The following PLXDC2 variants were observed in gnomAD, a reference collection of about 807,000 sequenced individuals.
PLXDC2 encodes the protein plexin domain-containing protein 2.
PLXDC2 carries 40 observed loss-of-function variants against 68.9 expected under a neutral mutation model. The observed-to-expected ratio is 0.58, with a 90% CI of 0.45 to 0.76. PLXDC2 has a LOEUF of 0.76. Ranked by LOEUF, PLXDC2 falls within the 30% of genes least tolerant of loss-of-function variation. PLXDC2 has a pLI of 0.00. For missense variants in PLXDC2, 644 were observed against 661.9 expected (o/e 0.97, Z 0.30); for synonymous variants, 243 against 234.2 (o/e 1.04, Z -0.34).
chr10:19,840,975 C>T (rs975246181), intron 1 of PLXDC2, among the ~76,000 whole-genome samples: 16 of 152,252 alleles, frequency 1.1e-4, no homozygotes, highest in African/African-American at 3.8e-4. Context: ...CAATTTAATT[C>T]CAGAAACCTG....
At chr10:20,049,671 C>T (rs1313794726) in intron 3 of PLXDC2, among the ~76,000 whole-genome samples, 1 of 151,878 alleles carries the variant, frequency 6.6e-6, no homozygotes, top group Admixed American at 6.6e-5. Context: ...AAAATCTCTA[C>T]AATGAGAATT....
At chr10:19,821,848 C>T (rs867199373) in intron 1 of PLXDC2, among the ~76,000 whole-genome samples, 6 of 152,134 alleles carry the variant, frequency 3.9e-5, no homozygotes, top group South Asian at 4.1e-4. Flanking sequence ...TTCTTCTATC[C>T]TGCTGGTTTC....
At chr10:20,128,259 A>G (rs992801670) in intron 4 of PLXDC2, among the ~76,000 whole-genome samples, 5 of 152,124 alleles carry the variant, frequency 3.3e-5, no homozygotes, top group African/African-American at 9.7e-5. Context: ...CAGGATCTCC[A>G]TATCTTTAGT....
intron 1 of PLXDC2, among the ~76,000 whole-genome samples, chr10:19,864,858 T>G (rs1837384529): frequency 6.6e-6 from 1 of 152,144 alleles, no homozygotes; most frequent in Middle Eastern, 3.2e-3. Context: ...AGACACCTAC[T>G]GTAAGTTTAA....
intron 4 of PLXDC2, among the ~76,000 whole-genome samples, chr10:20,120,754 G>T (rs1213759046): frequency 6.6e-6 from 1 of 152,180 alleles, no homozygotes; most frequent in African/African-American, 2.4e-5. Context: ...AATCCCTGAG[G>T]AGTAGTAGAA....
chr10:20,173,509 G>T (rs577964304), intron 7 of PLXDC2, among the ~76,000 whole-genome samples: 1 of 152,266 alleles, frequency 6.6e-6, no homozygotes, highest in African/African-American at 2.4e-5. Context: ...TGATCACATT[G>T]TCCCTCCTGC....
chr10:19,886,937 T>C (rs1386475830), intron 1 of PLXDC2, among the ~76,000 whole-genome samples: 1 of 152,242 alleles, frequency 6.6e-6, no homozygotes, highest in Non-Finnish European at 1.5e-5. Flanking sequence ...CTAAGTCATA[T>C]AACCTCTGGA....
At chr10:19,932,604 A>G (rs558595438) in intron 1 of PLXDC2, among the ~76,000 whole-genome samples, 2 of 152,314 alleles carry the variant, frequency 1.3e-5, no homozygotes, top group Admixed American at 6.5e-5. Flanking sequence ...GACACCAACC[A>G]TATGTACTGG....
intron 1 of PLXDC2, among the ~76,000 whole-genome samples, chr10:19,851,515 C>T (rs1375830927): frequency 1.3e-5 from 2 of 152,132 alleles, no homozygotes; most frequent in African/African-American, 2.4e-5. Context: ...GGGTAACCCA[C>T]ACTTTCCTTC....
intron 4 of PLXDC2, among the ~76,000 whole-genome samples, chr10:20,111,998 C>G (rs1770173079): frequency 6.6e-6 from 1 of 152,110 alleles, no homozygotes; most frequent in Non-Finnish European, 1.5e-5. Context: ...GATTAATGCT[C>G]TCTTATGAAG....
rs17780476 is a variant in PLXDC2 at position 20,252,778 on chromosome 10, C to A, written c.1473+7273C>A. 9.2e-3 allele frequency among the ~76,000 whole-genome samples: 1,403 copies of A among 152,270 alleles called. 42 individuals are homozygous for A. Among genetic ancestry groups the A allele is most frequent in the Admixed American group, 0.061 (937 of 15,296 alleles). On this transcript the variant is annotated intron_variant, in intron 13 of 13. Transcript: ENST00000377252. ...CCAGTGGGTGGAGACAGATGATAAA[C>A]ACATTCTAAGTTAGGTGTGGATTTC...
At chr10:20,074,532 C>T (rs943790640) in intron 4 of PLXDC2, among the ~76,000 whole-genome samples, 4 of 151,918 alleles carry the variant, frequency 2.6e-5, no homozygotes, top group African/African-American at 4.8e-5. Flanking sequence ...GTTTAAATTC[C>T]CACTAAGAGA....
intron 1 of PLXDC2, among the ~76,000 whole-genome samples, chr10:19,843,628 A>G (rs1589496356): frequency 6.6e-6 from 1 of 152,350 alleles, no homozygotes; most frequent in South Asian, 2.1e-4. Context: ...CAACATGAAT[A>G]GAACTGGAGG....
At chr10:20,238,677 G>GTATATATATATATATATA (rs10633613) in intron 12 of PLXDC2, among the ~76,000 whole-genome samples, 103 of 76,724 alleles carry the variant, frequency 1.3e-3, no homozygotes, top group South Asian at 4.0e-3. Context: ...ATATATATAT[G>GTATATATATATATATATA]TATATATATA....
At chr10:19,823,690 T>G (rs1273930513) in intron 1 of PLXDC2, among the ~76,000 whole-genome samples, 3 of 151,828 alleles carry the variant, frequency 2.0e-5, no homozygotes, top group African/African-American at 7.3e-5. Context: ...AAAATTCTCA[T>G]AAAACTTGTT....
At chr10:19,997,377 A>G (rs575310355) in intron 1 of PLXDC2, among the ~76,000 whole-genome samples, 11 of 152,328 alleles carry the variant, frequency 7.2e-5, no homozygotes, top group Non-Finnish European at 1.6e-4. Context: ...TTCAGTGAAC[A>G]ATCTGAATGT....
intron 6 of PLXDC2, among the ~76,000 whole-genome samples, chr10:20,152,824 A>T (rs895378473): frequency 3.9e-5 from 6 of 152,232 alleles, no homozygotes; most frequent in South Asian, 2.1e-4. Flanking sequence ...GGTGATTTTT[A>T]AAATAAAATA....
intron 4 of PLXDC2, among the ~76,000 whole-genome samples, chr10:20,072,182 C>T (rs1836329073): frequency 6.6e-6 from 1 of 151,338 alleles, no homozygotes; most frequent in East Asian, 2.0e-4. Context: ...CTAGACTGCC[C>T]AACGTGGAGA....
At chr10:19,987,709 C>G (rs910379450) in intron 1 of PLXDC2, among the ~76,000 whole-genome samples, 1 of 151,712 alleles carries the variant, frequency 6.6e-6, no homozygotes, top group Non-Finnish European at 1.5e-5. Context: ...CTATAGGCGC[C>G]CGCCACCACC....
Sources: allele counts gnomAD v4.1 joint callset (sites outside exome capture counted in the v4.1 genomes callset), GRCh38; gene constraint gnomAD v4.1.1; transcripts MANE v1.5; gene names NCBI Gene and HGNC (gene_info 2026-07-23, HGNC 2026-07-21).